The following NEB variants were observed in gnomAD, a reference collection of about 807,000 sequenced individuals.
The protein encoded by NEB is nemaline myopathy type 2.
In NEB, 512 loss-of-function variants were observed where a neutral mutation model predicts 952.2. The observed-to-expected ratio is 0.54, with a 90% CI of 0.50 to 0.58. The LOEUF (loss-of-function observed/expected upper bound fraction) is 0.58. Ranked by LOEUF, NEB falls within the 20% of genes least tolerant of loss-of-function variation. The pLI is 0.00. For synonymous variants in NEB, 2,900 were observed against 3,149.8 expected, an observed-to-expected ratio of 0.92 and a Z score of 2.66; for missense variants, 8,428 against 9,231.1, an observed-to-expected ratio of 0.91 and a Z score of 3.56.
intron 161 of NEB, 58 bp from the exon 162 acceptor site, chr2:151,508,167 G>T: frequency 8.2e-7 from 1 of 1,220,106 alleles, no homozygotes; most frequent in Non-Finnish European, 1.2e-6. Flanking sequence ...TAGGCCAATG[G>T]GACCTAAAAT....
intron 5 of NEB, 23 bp downstream of exon 5, chr2:151,727,668 A>G (rs1430333726): frequency 2.0e-5 from 32 of 1,595,298 alleles, no homozygotes; most frequent in Non-Finnish European, 2.7e-5. Context: ...AAGCCAGGTT[A>G]GCAGAAGTTG....
chr2:151,672,402 C>A lies in NEB; in HGVS notation c.4266G>T (p.Glu1422Asp). 1 of 1,610,450 alleles carries A rather than the reference C, an allele frequency of 6.2e-7. No individual in the cohort carries two copies. Among genetic ancestry groups the A allele is most frequent in the Non-Finnish European group, 8.5e-7 (1 of 1,177,250 alleles). Residue 1422 changes from glutamate to aspartate, a missense_variant, in exon 37 of 182, where the codon GAG becomes GAT. Glu to Asp is a conservative substitution (Grantham distance 45). Around this residue, in one of 11 missense-constraint regions of NEB, gnomAD observed 2,851 missense variants for 2,791.5 expected, o/e 1.02. Transcript: ENST00000397345. ...YTYLPDAMSL[E>D]HTRNVNQIQS... ...GAATTTGATTGACATTCCTCGTATG[C>A]TCAAGACTCATGGCGTCAGGTAGGT...
intron 37 of NEB, 142 bp downstream of exon 37, chr2:151,672,227 C>T: frequency 3.9e-6 from 3 of 773,940 alleles, no homozygotes; most frequent in Non-Finnish European, 3.9e-6. Context: ...GTCTACCATG[C>T]CTTTGGTAGT....
At position 151,697,004 on chromosome 2, in the gene NEB, T is replaced by C. The variant is rs539546162; in HGVS notation, c.1470+144A>G. On this transcript the variant is annotated intron_variant, in intron 16 of 181. Coordinates refer to ENST00000397345, the MANE Select transcript of NEB (RefSeq NM_001164508.2). Reference sequence around the variant, plus strand: ...ATGTAGGGATGTCAACAAGGGAAAATAGGATGTTTACTACAAAATAGACTT... The same window carrying C: ...ATGTAGGGATGTCAACAAGGGAAAACAGGATGTTTACTACAAAATAGACTT... The C allele has an allele frequency of 5.3e-5, 35 of 654,346 alleles. No individual in the cohort carries two copies. In the East Asian group the frequency reaches 8.5e-4, roughly 16 times the overall value. 40.5% of individuals were successfully genotyped at this position (654,346 alleles called of 1,614,324 possible).
intron 64 of NEB, among the ~76,000 whole-genome samples, 169 bp from the exon 65 acceptor site, chr2:151,634,134 T>C (rs765170547): frequency 2.4e-4 from 37 of 151,908 alleles, no homozygotes; most frequent in Non-Finnish European, 4.6e-4. Flanking sequence ...GGTAGAAAAA[T>C]AGATGGAATT....
chr2:151,491,983 TC>T (rs2056975594), intron 178 of NEB, 114 bp downstream of exon 178: 1 of 1,192,794 alleles, frequency 8.4e-7, no homozygotes, highest in Non-Finnish European at 1.2e-6. Flanking sequence ...TTCTTGCACC[TC>T]TAGAAAAACA....
rs371317825 is a variant in NEB at position 151,526,167 on chromosome 2, C to T, written c.22041G>A (p.Leu7347=). The change falls in exon 149 of 182, where the codon CTG becomes CTA. Residue 7347 remains leucine, a synonymous_variant. Coordinates refer to ENST00000397345, the MANE Select transcript of NEB (RefSeq NM_001164508.2). ...QILLAKTVSN[L]VSENKYKDHV... ...GGCGGCTGGGGGTTACCTCAGACAC[C>T]AGGTTGCTGACAGTCTTCGCCAGCA... 14 of 1,613,814 alleles carry T rather than the reference C, an allele frequency of 8.7e-6. No homozygotes were observed. Among genetic ancestry groups the T allele is most frequent in the Non-Finnish European group, 1.2e-5 (14 of 1,179,840 alleles).
intron 63 of NEB, 57 bp from the exon 64 acceptor site, chr2:151,636,391 G>T: frequency 7.4e-7 from 1 of 1,345,588 alleles, no homozygotes; most frequent in Non-Finnish European, 1.0e-6. Context: ...AACTGACAGA[G>T]GACTAAGACA....
chr2:151,690,642 A>G (rs1191626959), intron 24 of NEB, 85 bp downstream of exon 24: 1 of 954,390 alleles, frequency 1.0e-6, no homozygotes, highest in Admixed American at 2.0e-5. Context: ...AGATGAGCCC[A>G]TGAAGATTAA....
At chr2:151,552,547 GCACCAACT>G (rs1393074944) in intron 128 of NEB, 117 bp downstream of exon 128, 1 of 627,338 alleles carries the variant, frequency 1.6e-6, no homozygotes, top group Non-Finnish European at 2.8e-6. Flanking sequence ...GCTTTCAAAC[GCACCAACT>G]CTGGTTTCCC....
intron 135 of NEB, among the ~76,000 whole-genome samples, chr2:151,544,824 C>T (rs1280483336): frequency 6.6e-6 from 1 of 152,174 alleles, no homozygotes; most frequent in African/African-American, 2.4e-5. Context: ...GCCTGGAAGC[C>T]AATGCTCAGC....
At chr2:151,726,696 G>A (rs568634365) in intron 5 of NEB, among the ~76,000 whole-genome samples, 1 of 152,078 alleles carries the variant, frequency 6.6e-6, no homozygotes, top group Non-Finnish European at 1.5e-5. Flanking sequence ...CTCAACCTGG[G>A]TACACATTAG....
chr2:151,610,591 C>A lies in NEB; in HGVS notation c.11943G>T (p.Lys3981Asn), dbSNP rs1258501445. The A allele has an allele frequency of 6.2e-7, 1 of 1,613,752 alleles. No individual in the cohort carries two copies. The highest frequency in any genetic ancestry group is 2.2e-5 in the East Asian group (1 of 44,880). ...CTGCTCTCAGATCATAGTCCTTCAT[C>A]TTTGATTCATCCCATCCCTTGGTGT... ...KLYTKGWDESKMKDYDLRADA... is the reference protein window; with the variant it reads ...KLYTKGWDESNMKDYDLRADA... Residue 3981 changes from lysine (K) to asparagine (N), a missense_variant, in exon 80 of 182, where the codon AAG (lysine) becomes AAT (asparagine). Lys to Asn is a moderately conservative substitution (Grantham distance 94, BLOSUM62 0). Around this residue, in one of 11 missense-constraint regions of NEB, gnomAD observed 337 missense variants for 297.5 expected, o/e 1.13. Transcript: ENST00000397345.
chr2:151,591,871 C>T (rs1442525445), intron 95 of NEB, among the ~76,000 whole-genome samples, 163 bp downstream of exon 95: 1 of 152,292 alleles, frequency 6.6e-6, no homozygotes, highest in African/African-American at 2.4e-5. Context: ...GTACATTACA[C>T]AGACACACGC....
intron 13 of NEB, 84 bp from the exon 14 acceptor site, chr2:151,697,732 A>T: frequency 1.1e-6 from 1 of 893,524 alleles, no homozygotes; most frequent in Non-Finnish European, 1.7e-6. Context: ...AACACTAAAC[A>T]AAAGATGAAG....
intron 130 of NEB, 133 bp from the exon 131 acceptor site, chr2:151,548,548 C>A: frequency 3.2e-6 from 2 of 615,670 alleles, no homozygotes; most frequent in Non-Finnish European, 5.7e-6. Flanking sequence ...GTAGAAAAGT[C>A]ATTGACAAAA....
intron 27 of NEB, among the ~76,000 whole-genome samples, chr2:151,685,475 T>C (rs1012272717): frequency 6.6e-6 from 1 of 152,196 alleles, no homozygotes; most frequent in Non-Finnish European, 1.5e-5. Flanking sequence ...TAACCTGTTA[T>C]TGACAGGAGA....
chr2:151,495,471 A>C (rs575092904), intron 173 of NEB: 1 of 119,614 alleles, frequency 8.4e-6, no homozygotes, highest in Admixed American at 9.1e-5. Context: ...TTTTAGAAGC[A>C]CTGTACTCAA....
intron 176 of NEB, 127 bp from the exon 177 acceptor site, chr2:151,492,621 A>T (rs1051640138): frequency 5.5e-6 from 3 of 542,330 alleles, no homozygotes; most frequent in Admixed American, 3.6e-5. Flanking sequence ...GCCCAGTGAG[A>T]CACATGACCA....
Sources: allele counts gnomAD v4.1 joint callset (sites outside exome capture counted in the v4.1 genomes callset), GRCh38; gene constraint gnomAD v4.1.1; regional missense constraint gnomAD v4.1.1; transcripts MANE v1.5; gene names NCBI Gene and HGNC (gene_info 2026-07-23, HGNC 2026-07-21).